Variants in NIPBL observed in about 807,000 individuals in gnomAD.
NIPBL encodes the protein NIPBL cohesin loading factor.
Under a neutral mutation model 321.8 loss-of-function variants are expected in NIPBL, and 19 were observed. That is an observed-to-expected ratio of 0.06 (90% CI 0.04 to 0.09). The LOEUF (loss-of-function observed/expected upper bound fraction) is 0.09. Among genes scored for constraint, NIPBL ranks in the 10% least tolerant of loss-of-function variants. NIPBL has a pLI of 1.00. For synonymous variants in NIPBL, 1,106 were observed against 1,114.1 expected (o/e 0.99, Z 0.14); for missense variants, 2,210 against 3,327.0 (o/e 0.66, Z 8.26).
chr5:36,930,209 T>C (rs1298163322), intron 1 of NIPBL, among the ~76,000 whole-genome samples: 1 of 152,108 alleles, frequency 6.6e-6, no homozygotes, highest in African/African-American at 2.4e-5. Flanking sequence ...TTTATGAGCA[T>C]GGAATGTTTT....
intron 1 of NIPBL, among the ~76,000 whole-genome samples, chr5:36,950,846 C>T (rs890074821): frequency 4.6e-5 from 7 of 152,068 alleles, no homozygotes; most frequent in African/African-American, 9.7e-5. Context: ...ATCCTAGGAA[C>T]GCTATTTCTT....
chr5:36,958,326 C>A, intron 4 of NIPBL, 95 bp downstream of exon 4: 3 of 1,214,102 alleles, frequency 2.5e-6, no homozygotes, highest in Non-Finnish European at 2.4e-6. Context: ...ATCAGGAATG[C>A]GATGTTTATG....
intron 18 of NIPBL, among the ~76,000 whole-genome samples, chr5:37,007,791 AC>A (rs1298601099): frequency 6.6e-6 from 1 of 152,008 alleles, no homozygotes; most frequent in African/African-American, 2.4e-5. Context: ...AGATTAGAGG[AC>A]TGATAGCTAT....
intron 29 of NIPBL, among the ~76,000 whole-genome samples, chr5:37,022,883 A>G (rs184015709): frequency 1.1e-4 from 17 of 152,342 alleles, no homozygotes; most frequent in African/African-American, 3.1e-4. Context: ...CCAAAAGTCC[A>G]TTGAGGTTTA....
chr5:37,007,518 G>A lies in NIPBL; in HGVS notation c.4239+44G>A, dbSNP rs1351304733. ...CATTTTGTATATTTCTAAACTAAAT[G>A]ATTAAGTCTAGTATAACCTAGCTCA... On this transcript the variant is annotated intron_variant, in intron 18 of 46. Coordinates refer to ENST00000282516, the MANE Select transcript of NIPBL (RefSeq NM_133433.4). 2.1e-6 allele frequency: 3 copies of A among 1,436,402 alleles called. 1 individual carries two copies. The highest frequency in any genetic ancestry group is 2.3e-5 in the South Asian group (2 of 85,250). The allele number at this position is 1,436,402 out of a possible 1,614,324, so 89.0% of individuals were successfully genotyped here.
chr5:36,886,578 A>G (rs746580138), intron 1 of NIPBL: 40 of 573,026 alleles, frequency 7.0e-5, no homozygotes, highest in Non-Finnish European at 1.3e-4. Context: ...TAGGCTATTC[A>G]GTTAAAATAG....
At chr5:37,051,961 G>C (rs1461554004) in intron 41 of NIPBL, 75 bp downstream of exon 41, 3 of 1,012,874 alleles carry the variant, frequency 3.0e-6, no homozygotes, top group Middle Eastern at 2.5e-4. Context: ...TAAATGCTCT[G>C]CCCACATTCA....
At position 37,065,156 on chromosome 5, in the gene NIPBL, T is replaced by A. The variant is rs189382158; in HGVS notation, c.*264T>A. 1 of 470,950 alleles carries A rather than the reference T, an allele frequency of 2.1e-6. No homozygotes were observed. Among genetic ancestry groups the A allele is most frequent in the Non-Finnish European group, 3.8e-6 (1 of 263,018 alleles). 29.2% of individuals were successfully genotyped at this position (470,950 alleles called of 1,614,324 possible). A position where few individuals can be genotyped will look rare whatever the true frequency, so the allele number is the denominator to read the frequency against. ...TGTTTATATCTTGGAAAAAAAACTT[T>A]CTGTTTAAAAAAAATAAACAAGTGA... On this transcript the variant is annotated 3_prime_UTR_variant, in exon 47 of 47. Transcript: ENST00000282516.
intron 1 of NIPBL, among the ~76,000 whole-genome samples, chr5:36,906,420 T>C (rs1218692006): frequency 6.6e-6 from 1 of 152,162 alleles, no homozygotes; most frequent in African/African-American, 2.4e-5. Flanking sequence ...GTTGCTGGGG[T>C]TACATAATTT....
intron 18 of NIPBL, 145 bp from the exon 19 acceptor site, chr5:37,007,863 G>T (rs1288169170): frequency 6.0e-6 from 4 of 668,500 alleles, no homozygotes; most frequent in Non-Finnish European, 1.1e-5. Context: ...ACAGAGAAAA[G>T]AATAGATGCT....
In NIPBL at chr5:36,886,571, G is replaced by A. The variant is rs574775483; in HGVS notation, c.-80+9393G>A. ...TTCAGAGGTCATTGGGGGAAAATAG[G>A]CTATTCAGTTAAAATAGTTATCTGA... On this transcript the variant is annotated intron_variant, in intron 1 of 46. Coordinates refer to ENST00000282516, the MANE Select transcript of NIPBL (RefSeq NM_133433.4). 4.5e-5 allele frequency: 27 copies of A among 600,576 alleles called. 1 individual carries two copies. The Admixed American group carries it at 6.0e-4, about 13-fold the overall frequency. The allele number at this position is 600,576 out of a possible 1,614,324, so 37.2% of individuals were successfully genotyped here. A position where few individuals can be genotyped will look rare whatever the true frequency, so the allele number is the denominator to read the frequency against.
At chr5:36,931,488 T>G (rs1749772391) in intron 1 of NIPBL, among the ~76,000 whole-genome samples, 1 of 152,070 alleles carries the variant, frequency 6.6e-6, no homozygotes, top group African/African-American at 2.4e-5. Flanking sequence ...TGGCTAATTT[T>G]TGTATTTTCT....
chr5:36,991,757 T>A (rs2149656142), intron 10 of NIPBL, among the ~76,000 whole-genome samples: 1 of 151,850 alleles, frequency 6.6e-6, no homozygotes, highest in East Asian at 1.9e-4. Flanking sequence ...TTTTTTTTTT[T>A]TTTTTTTAGG....
rs142332029 is a variant in NIPBL, at chr5:36,890,102, T to C, written c.-80+12924T>C. Among the ~76,000 whole-genome samples the C allele has an allele frequency of 1.5e-4, 23 of 152,314 alleles. No individual in the cohort carries two copies. The East Asian group carries it at 4.4e-3, about 29-fold the overall frequency. ...TGGATCATAAAGATTTTCCTAGTTT[T>C]CTATATAATGTTCATAATTCTTTAA... On this transcript the variant is annotated intron_variant, in intron 1 of 46. Transcript: ENST00000282516.
chr5:36,957,739 T>C (rs1741127416), intron 3 of NIPBL, among the ~76,000 whole-genome samples: 1 of 152,108 alleles, frequency 6.6e-6, no homozygotes, highest in Non-Finnish European at 1.5e-5. Context: ...TCCCAGCACT[T>C]TGGGAGGCCG....
chr5:36,889,462 T>C (rs1242140037), intron 1 of NIPBL, among the ~76,000 whole-genome samples: 1 of 152,000 alleles, frequency 6.6e-6, no homozygotes, highest in African/African-American at 2.4e-5. Flanking sequence ...TTTCTTACAG[T>C]TCTTCAATCT....
At chr5:37,003,420 ATTGT>A (rs1344488283) in intron 16 of NIPBL, 73 bp downstream of exon 16, 7 of 857,022 alleles carry the variant, frequency 8.2e-6, no homozygotes, top group Non-Finnish European at 1.2e-5. Context: ...CCACTTCTCT[ATTGT>A]TTCATTTTCC....
intron 1 of NIPBL, among the ~76,000 whole-genome samples, chr5:36,894,243 C>G (rs781036186): frequency 3.9e-5 from 6 of 151,984 alleles, no homozygotes; most frequent in African/African-American, 1.2e-4. Context: ...AAAAAGTAAT[C>G]AAATTAGCTC....
chr5:37,024,571 C>G lies in NIPBL; in HGVS notation c.5575-14C>G. 1.3e-6 allele frequency: 2 copies of G among 1,591,610 alleles called. No individual in the cohort carries two copies. The highest frequency in any genetic ancestry group is 1.7e-6 in the Non-Finnish European group (2 of 1,163,194). On this transcript the variant is annotated splice_polypyrimidine_tract_variant and intron_variant, in intron 29 of 46. Coordinates refer to ENST00000282516, the MANE Select transcript of NIPBL (RefSeq NM_133433.4). The stretch of plus-strand genomic sequence containing the variant: ...CAATTTTTCTGACTCTTAAAAATAC[C>G]TTTCTGTTTTTAGGATACTGGTATC...
Sources: gnomAD v4.1 joint callset for allele counts (sites outside exome capture counted in the v4.1 genomes callset) on GRCh38, gnomAD v4.1.1 for gene constraint, MANE v1.5 for transcripts, NCBI Gene and HGNC (gene_info 2026-07-23, HGNC 2026-07-21) for gene names.